SLAMF1: variants seen among roughly 807,000 people sequenced by gnomAD.
SLAMF1 encodes signaling lymphocytic activation molecule.
SLAMF1 carries 18 observed loss-of-function variants against 35.1 expected under a neutral mutation model. The ratio of observed to expected loss-of-function variants is 0.51; its 90% confidence interval spans 0.35 to 0.76. The LOEUF is 0.76. SLAMF1 is among the 30% of genes least tolerant of loss of function. SLAMF1 has a pLI of 0.01. For missense variants in SLAMF1, 392 were observed against 413.0 expected (o/e 0.95, Z 0.44); for synonymous variants, 168 against 157.2 (o/e 1.07, Z -0.51).
rs531362107 is a variant in SLAMF1, at chr1:160,610,383, C to T, written c.*365G>A. On this transcript the variant is annotated 3_prime_UTR_variant, in exon 7 of 7. Transcript: ENST00000302035. ...GGTGGTCCAGTGTGTGAGATAGGTA[C>T]TCAGATGTCCTGGCTTTCAGTCTGA... 2 of 463,330 alleles carry T rather than the reference C, an allele frequency of 4.3e-6. No homozygotes were observed. Among genetic ancestry groups the T allele is most frequent in the East Asian group, 1.3e-4 (2 of 15,000 alleles). 28.7% of individuals were successfully genotyped at this position (463,330 alleles called of 1,614,324 possible).
chr1:160,643,840 A>G (rs1483578837), intron 1 of SLAMF1, among the ~76,000 whole-genome samples: 1 of 152,242 alleles, frequency 6.6e-6, no homozygotes, highest in African/African-American at 2.4e-5. Flanking sequence ...GTACTGATCT[A>G]TCAAACACGA....
chr1:160,617,848 A>C (rs757659270), intron 5 of SLAMF1, among the ~76,000 whole-genome samples: 2 of 152,126 alleles, frequency 1.3e-5, no homozygotes, highest in Admixed American at 6.6e-5. Flanking sequence ...TGAGGTGGGC[A>C]GATCACTTGA....
In SLAMF1 at chr1:160,637,378, G is replaced by T; in HGVS notation, c.228C>A (p.Asn76Lys). The change falls in exon 2 of 7, where the codon AAC becomes AAA. Residue 76 changes from asparagine (N) to lysine (K), a missense_variant. Physicochemically the swap from Asn to Lys is moderately conservative, Grantham distance 94. Coordinates refer to ENST00000302035, the MANE Select transcript of SLAMF1 (RefSeq NM_003037.5). ...MAKSLENSVE[N>K]KIVSLDPSEA... The stretch of plus-strand genomic sequence containing the variant: ...CGGATGGATCAAGAGACACTATTTT[G>T]TTCTCGACACTGTTCTCCAGTGATT... 1 of 1,614,092 alleles carries T rather than the reference G, an allele frequency of 6.2e-7. No homozygotes were observed. The highest frequency in any genetic ancestry group is 8.5e-7 in the Non-Finnish European group (1 of 1,179,992).
rs1304881797 is a variant in SLAMF1, at chr1:160,637,307, A to G, written c.299T>C (p.Leu100Pro). The change falls in exon 2 of 7, where the codon CTG (leucine) becomes CCG (proline). Residue 100 changes from leucine to proline, a missense_variant. Coordinates refer to ENST00000302035, the MANE Select transcript of SLAMF1 (RefSeq NM_003037.5). ...CCGTATCCCCAGGGTGAGATTCTCC[A>G]GATAAAACTTGTAGCGATCTCCTAG... is the stretch of plus-strand genomic sequence containing the variant. Reference protein sequence around the residue: ...RYLGDRYKFYLENLTLGIRES... With the variant: ...RYLGDRYKFYPENLTLGIRES... The G allele has an allele frequency of 1.9e-6, 3 of 1,613,914 alleles. No homozygotes were observed. The highest frequency in any genetic ancestry group is 1.6e-4 in the Middle Eastern group (1 of 6,062).
chr1:160,645,739 G>A lies in SLAMF1; in HGVS notation c.76+1131C>T, dbSNP rs746255350. ...TCCTCCCCTAGACCTTGGGAAGTAC[G>A]AGCCATGGATCTGCAGATTCCAAAA... On this transcript the variant is annotated intron_variant, in intron 1 of 6. Transcript: ENST00000302035. Among the ~76,000 whole-genome samples the A allele has an allele frequency of 3.3e-5, 5 of 152,146 alleles. No individual in the cohort carries two copies. The East Asian group carries it at 7.7e-4, about 23-fold the overall frequency.
intron 5 of SLAMF1, among the ~76,000 whole-genome samples, chr1:160,617,912 A>C (rs1305328664): frequency 6.6e-6 from 1 of 152,136 alleles, no homozygotes; most frequent in Non-Finnish European, 1.5e-5. Flanking sequence ...ATCTCTACTA[A>C]AGATACAAAA....
At chr1:160,631,734 A>G (rs181578256) in intron 3 of SLAMF1, among the ~76,000 whole-genome samples, 198 of 152,300 alleles carry the variant, frequency 1.3e-3, no homozygotes, top group Middle Eastern at 0.01. Flanking sequence ...CACAGTGAGA[A>G]GGTAGCCATA....
At chr1:160,641,722 A>G (rs1462733100) in intron 1 of SLAMF1, among the ~76,000 whole-genome samples, 1 of 152,142 alleles carries the variant, frequency 6.6e-6, no homozygotes, top group African/African-American at 2.4e-5. Flanking sequence ...CAAGGTGGAA[A>G]AATAAGTGGG....
chr1:160,610,649 G>A lies in SLAMF1; in HGVS notation c.*99C>T. The A allele has an allele frequency of 1.2e-6, 1 of 807,446 alleles. No individual in the cohort carries two copies. Among genetic ancestry groups the A allele is most frequent in the South Asian group, 1.4e-5 (1 of 70,114 alleles). 50.0% of individuals were successfully genotyped at this position (807,446 alleles called of 1,614,324 possible). A position where few individuals can be genotyped will look rare whatever the true frequency, so the allele number is the denominator to read the frequency against. On this transcript the variant is annotated 3_prime_UTR_variant, in exon 7 of 7. Transcript: ENST00000302035. ...GATCTGAGAAGGGTACAGACGTGCA[G>A]CATGTCTGCCAGAGGAAACTTGGGG...
In SLAMF1 at chr1:160,634,511, T is replaced by C. The variant is rs572716403; in HGVS notation, c.700+102A>G. The C allele has an allele frequency of 1.4e-5, 20 of 1,427,622 alleles. No individual in the cohort carries two copies. In the African/African-American group the frequency reaches 2.9e-4, roughly 20 times the overall value. The allele number at this position is 1,427,622 out of a possible 1,614,324, so 88.4% of individuals were successfully genotyped here. ...CAAACTATAAAGAAAATGTAAAGTA[T>C]TGTTACTAAGGTGAATGCCATGGCT... On this transcript the variant is annotated intron_variant, in intron 3 of 6. Transcript: ENST00000302035.
rs979041339 is a variant in SLAMF1, at chr1:160,642,496, T to C, written c.76+4374A>G. On this transcript the variant is annotated intron_variant, in intron 1 of 6. Coordinates refer to ENST00000302035, the MANE Select transcript of SLAMF1 (RefSeq NM_003037.5). This position sits in a 1 kb window ranked among gnomAD's most constrained non-coding sequence, Gnocchi z 4.2. ...TTCAATGCCTGTAATCCCCCACTCT[T>C]ATAAGCTTCCAAGAGTAGGGACTGT... 3.3e-5 allele frequency among the ~76,000 whole-genome samples: 5 copies of C among 152,182 alleles called. No homozygotes were observed. Among genetic ancestry groups the C allele is most frequent in the African/African-American group, 9.7e-5 (4 of 41,442 alleles).
In SLAMF1 at chr1:160,642,171, A is replaced by G. The variant is rs572286022; in HGVS notation, c.77-4642T>C. On this transcript the variant is annotated intron_variant, in intron 1 of 6. Coordinates refer to ENST00000302035, the MANE Select transcript of SLAMF1 (RefSeq NM_003037.5). This position sits in a 1 kb window ranked among gnomAD's most constrained non-coding sequence, Gnocchi z 4.2. ...AAATTTAGGCTCAGAAAGAAAAGAC[A>G]TCTTGTCTGTGTTTGCTTTTTAAAC... Among the ~76,000 whole-genome samples the G allele has an allele frequency of 6.6e-6, 1 of 152,196 alleles. No individual in the cohort carries two copies. The highest frequency in any genetic ancestry group is 2.4e-5 in the African/African-American group (1 of 41,440).
chr1:160,621,342 C>T (rs187781384), intron 4 of SLAMF1, among the ~76,000 whole-genome samples: 18 of 152,068 alleles, frequency 1.2e-4, no homozygotes, highest in African/African-American at 4.1e-4. Context: ...GGGCAGATCA[C>T]GAGGTCAGGA....
intron 1 of SLAMF1, among the ~76,000 whole-genome samples, chr1:160,638,472 GT>G (rs939898623): frequency 6.6e-6 from 1 of 151,274 alleles, no homozygotes; most frequent in Non-Finnish European, 1.5e-5. Context: ...ACATTATCAG[GT>G]TTTTTTTTAC....
chr1:160,616,150 C>A (rs181974873), intron 5 of SLAMF1, among the ~76,000 whole-genome samples: 5 of 152,134 alleles, frequency 3.3e-5, no homozygotes, highest in Non-Finnish European at 7.4e-5. Context: ...CCTTCCAGTT[C>A]TTAAAGTCTG....
At chr1:160,630,607 T>C (rs999179237) in intron 3 of SLAMF1, among the ~76,000 whole-genome samples, 1 of 152,148 alleles carries the variant, frequency 6.6e-6, no homozygotes, top group Non-Finnish European at 1.5e-5. Context: ...AGGAAAAATG[T>C]CTTTGTTAAC....
chr1:160,643,392 G>A (rs1052959317), intron 1 of SLAMF1, among the ~76,000 whole-genome samples: 10 of 152,222 alleles, frequency 6.6e-5, no homozygotes, highest in South Asian at 2.1e-4. Context: ...CAGGCTTCAT[G>A]GCACCCTGGG....
intron 5 of SLAMF1, among the ~76,000 whole-genome samples, chr1:160,614,680 G>A (rs912612022): frequency 6.6e-6 from 1 of 152,016 alleles, no homozygotes; most frequent in Non-Finnish European, 1.5e-5. Context: ...GGCAGAAGGA[G>A]GCAAATAACT....
Position 160,608,761 on chromosome 1 carries a change from A to C in SLAMF1, c.*1987T>G, listed in dbSNP as rs2102243590. 1 of 152,364 alleles carries C rather than the reference A, an allele frequency of 6.6e-6. No homozygotes were observed. Among genetic ancestry groups the C allele is most frequent in the South Asian group, 2.1e-4 (1 of 4,830 alleles). 9.4% of individuals were successfully genotyped at this position (152,364 alleles called of 1,614,324 possible). On this transcript the variant is annotated 3_prime_UTR_variant, in exon 7 of 7. Transcript: ENST00000302035. The stretch of plus-strand genomic sequence containing the variant: ...GGGTGCTCATAAGCCCGGGTTTACA[A>C]ATCTTCATTAGTAGCTCCACAGTTT...
Sources: gnomAD v4.1 joint callset for allele counts (sites outside exome capture counted in the v4.1 genomes callset) on GRCh38, gnomAD v4.1.1 for gene constraint, Gnocchi (gnomAD v3.1) non-coding constraint, MANE v1.5 for transcripts, NCBI Gene and HGNC (gene_info 2026-07-23, HGNC 2026-07-21) for gene names.